MIA2: variants seen among roughly 807,000 people sequenced by gnomAD.
MIA2 encodes MIA SH3 domain ER export factor 2.
In MIA2, 127 loss-of-function variants were observed where a neutral mutation model predicts 167.8. That is an observed-to-expected ratio of 0.76 (90% CI 0.66 to 0.88). The LOEUF is 0.88. Among genes scored for constraint, MIA2 ranks in the 40% least tolerant of loss-of-function variants. MIA2 has a pLI of 0.00. For synonymous variants in MIA2, 552 were observed against 541.9 expected (o/e 1.02, Z -0.26); for missense variants, 1,690 against 1,624.7 (o/e 1.04, Z -0.69).
chr14:39,308,219 T>C (rs2063669409), intron 17 of MIA2, among the ~76,000 whole-genome samples: 1 of 152,188 alleles, frequency 6.6e-6, no homozygotes, highest in Non-Finnish European at 1.5e-5. Context: ...ATCGAATACC[T>C]ATATTGAAAT....
exon 24 of MIA2, chr14:39,386,974 G>A (rs2075282624): frequency 1.3e-6 from 1 of 774,698 alleles, no homozygotes; most frequent in African/African-American, 1.8e-5. Flanking sequence ...TGGCGGATGA[G>A]ACTAACGAGA....
rs908641632 is a variant in MIA2, at chr14:39,287,851, A to G, written c.2131-3168A>G. On this transcript the variant is annotated intron_variant, in intron 9 of 28. Transcript: ENST00000640607. ...GCTGGGATTACAGGCATGAGCCACT[A>G]TTTAGTTTTTTGAGACAAGGTCTCG... Among the ~76,000 whole-genome samples, 14 of 151,674 alleles carry G rather than the reference A, an allele frequency of 9.2e-5. No individual in the cohort carries two copies. The East Asian group carries it at 1.8e-3, about 19-fold the overall frequency.
chr14:39,304,319 G>C lies in MIA2; in HGVS notation c.2816G>C (p.Gly939Ala). ...AATGCTTCTTTAAAAACCTTAGAAG[G>C]AGAAAGAAACCAAATTTATATTCAG... ...KLNASLKTLE[G>A]ERNQIYIQLS... Residue 939 changes from glycine (G) to alanine (A), a missense_variant, in exon 17 of 29, where the codon GGA becomes GCA. Physicochemically the swap from Gly to Ala is moderately conservative, Grantham distance 60 (BLOSUM62 0). Transcript: ENST00000640607. 6.4e-7 allele frequency: 1 copy of C among 1,559,412 alleles called. No individual in the cohort carries two copies. The highest frequency in any genetic ancestry group is 8.7e-7 in the Non-Finnish European group (1 of 1,146,452).
chr14:39,321,892 C>G (rs936297073), intron 24 of MIA2, among the ~76,000 whole-genome samples: 2 of 151,840 alleles, frequency 1.3e-5, no homozygotes, highest in African/African-American at 4.8e-5. Context: ...TCCTGAGTAG[C>G]TGGGATTACA....
chr14:39,355,309 C>G (rs559078008), downstream of MIA2, among the ~76,000 whole-genome samples: 2 of 152,250 alleles, frequency 1.3e-5, no homozygotes, highest in Non-Finnish European at 2.9e-5. Context: ...ATTTTATTCT[C>G]TTTGAAGCAA....
chr14:39,297,098 A>G (rs1033566776), intron 13 of MIA2, among the ~76,000 whole-genome samples: 2 of 142,412 alleles, frequency 1.4e-5, no homozygotes, highest in Non-Finnish European at 3.0e-5. Flanking sequence ...TTTCTATAGG[A>G]TATATATTTT....
At chr14:39,264,258 G>T (rs116721539) in intron 6 of MIA2, among the ~76,000 whole-genome samples, 1 of 152,230 alleles carries the variant, frequency 6.6e-6, no homozygotes, top group African/African-American at 2.4e-5. Context: ...CTGCATCCAC[G>T]TTGCTGCAAA....
At chr14:39,329,967 G>C (rs932273729) in intron 25 of MIA2, among the ~76,000 whole-genome samples, 1 of 152,136 alleles carries the variant, frequency 6.6e-6, no homozygotes, top group Non-Finnish European at 1.5e-5. Context: ...TTGGTATCAG[G>C]ATGATGCTGA....
At chr14:39,279,913 C>T (rs768032272) in intron 9 of MIA2, among the ~76,000 whole-genome samples, 25 of 152,158 alleles carry the variant, frequency 1.6e-4, no homozygotes, top group Non-Finnish European at 2.9e-5. Flanking sequence ...CCTCCAAAGG[C>T]CTTGTCTCCA....
chr14:39,275,070 G>T (rs1312320957), intron 6 of MIA2, among the ~76,000 whole-genome samples: 1 of 102,510 alleles, frequency 9.8e-6, no homozygotes, highest in Admixed American at 1.1e-4. Context: ...GTGAGACTCC[G>T]TCTCAAAAAA....
chr14:39,325,375 T>G (rs954339800), intron 24 of MIA2, among the ~76,000 whole-genome samples: 3 of 149,886 alleles, frequency 2.0e-5, no homozygotes, highest in Non-Finnish European at 4.5e-5. Flanking sequence ...AATTTTTTTT[T>G]TTTTTTTTTT....
chr14:39,265,728 T>C (rs1205022836), intron 6 of MIA2: 2 of 277,326 alleles, frequency 7.2e-6, no homozygotes, highest in Non-Finnish European at 1.3e-5. Context: ...GAATTTTTAT[T>C]GAGTAATACA....
At chr14:39,311,235 A>T (rs1464122638) in intron 18 of MIA2, among the ~76,000 whole-genome samples, 1 of 152,134 alleles carries the variant, frequency 6.6e-6, no homozygotes, top group African/African-American at 2.4e-5. Flanking sequence ...TTTAACTAGC[A>T]AGTAGTTTAT....
At chr14:39,313,290 A>AT in intron 18 of MIA2, 50 bp from the exon 19 acceptor site, 1 of 913,422 alleles carries the variant, frequency 1.1e-6, no homozygotes, top group Non-Finnish European at 1.6e-6. Flanking sequence ...TATAGAATTG[A>AT]TTATCTTTTG....
At chr14:39,330,768 G>A (rs891526172) in intron 25 of MIA2, among the ~76,000 whole-genome samples, 1 of 152,134 alleles carries the variant, frequency 6.6e-6, no homozygotes, top group African/African-American at 2.4e-5. Context: ...ATGTAGCTGT[G>A]CGGTTTTGAG....
intron 6 of MIA2, among the ~76,000 whole-genome samples, chr14:39,257,765 G>T (rs1179975975): frequency 6.6e-6 from 1 of 152,184 alleles, no homozygotes; most frequent in Non-Finnish European, 1.5e-5. Flanking sequence ...AGGAGCCCTT[G>T]TAAGGCAGGC....
At chr14:39,316,945 T>G (rs2152954334) in intron 21 of MIA2, among the ~76,000 whole-genome samples, 1 of 150,440 alleles carries the variant, frequency 6.6e-6, no homozygotes, top group Non-Finnish European at 1.5e-5. Context: ...AAGAAGGGAA[T>G]ATGCTGAGGT....
chr14:39,326,312 A>T (rs1414566218), intron 24 of MIA2, among the ~76,000 whole-genome samples: 2 of 152,184 alleles, frequency 1.3e-5, no homozygotes. Flanking sequence ...ATTTAAAATC[A>T]TTTTGGGGCA....
chr14:39,295,712 T>A (rs1157916832), intron 13 of MIA2, among the ~76,000 whole-genome samples: 1 of 151,904 alleles, frequency 6.6e-6, no homozygotes, highest in East Asian at 1.9e-4. Flanking sequence ...GGCGCGCGCC[T>A]CCACGCCCAG....
Sources: gnomAD v4.1 joint callset for allele counts (sites outside exome capture counted in the v4.1 genomes callset) on GRCh38, gnomAD v4.1.1 for gene constraint, MANE v1.5 for transcripts, NCBI Gene and HGNC (gene_info 2026-07-23, HGNC 2026-07-21) for gene names.